Variants in HDAC9 observed in about 807,000 individuals in gnomAD.
HDAC9 encodes the protein histone deacetylase 9, also known as MEF-2 interacting transcription repressor (MITR) protein.
A neutral mutation model predicts 139.4 loss-of-function variants in HDAC9; 41 were observed. That is an observed-to-expected ratio of 0.29 (90% CI 0.23 to 0.38). The LOEUF is 0.38. Among genes scored for constraint, HDAC9 ranks in the 10% least tolerant of loss-of-function variants. HDAC9 has a pLI of 1.00. For synonymous variants in HDAC9, 517 were observed against 476.2 expected (o/e 1.09, Z -1.12); for missense variants, 1,147 against 1,297.0 (o/e 0.88, Z 1.78).
chr7:18,696,402 G>A (rs1204714358), intron 12 of HDAC9, among the ~76,000 whole-genome samples: 3 of 147,704 alleles, frequency 2.0e-5, no homozygotes, highest in Non-Finnish European at 4.5e-5. Flanking sequence ...ACTATATAAT[G>A]TATAAAACTT....
chr7:18,888,031 T>C (rs1800320671), intron 22 of HDAC9, among the ~76,000 whole-genome samples: 1 of 152,198 alleles, frequency 6.6e-6, no homozygotes, highest in Non-Finnish European at 1.5e-5. Context: ...ATGAACTCCC[T>C]CATTTATCTT....
intron 2 of HDAC9, among the ~76,000 whole-genome samples, chr7:18,196,271 G>C (rs1190567148): frequency 1.3e-5 from 2 of 152,164 alleles, no homozygotes. Flanking sequence ...ATAAATTAGA[G>C]TTCAAGACAG....
intron 2 of HDAC9, among the ~76,000 whole-genome samples, chr7:18,198,055 C>T (rs1230110940): frequency 1.3e-5 from 2 of 151,988 alleles, no homozygotes; most frequent in African/African-American, 4.8e-5. Flanking sequence ...GCAAAAATGG[C>T]CTTGAGTAAC....
At chr7:18,980,831 C>CT (rs1022484550) in intron 25 of HDAC9, among the ~76,000 whole-genome samples, 27 of 141,914 alleles carry the variant, frequency 1.9e-4, no homozygotes, top group South Asian at 4.5e-4. Flanking sequence ...CCTTCTTCTT[C>CT]TTTTTTTTTT....
At chr7:18,545,330 A>G (rs1317120386) in intron 2 of HDAC9, among the ~76,000 whole-genome samples, 1 of 151,998 alleles carries the variant, frequency 6.6e-6, no homozygotes, top group Admixed American at 6.5e-5. Flanking sequence ...TTGCTGTGAT[A>G]AGAATCAAAT....
intron 13 of HDAC9, among the ~76,000 whole-genome samples, chr7:18,733,195 A>G (rs910107962): frequency 2.7e-5 from 4 of 148,586 alleles, no homozygotes; most frequent in Non-Finnish European, 3.0e-5. Context: ...ATACATATAT[A>G]CACGTGTATA....
intron 12 of HDAC9, among the ~76,000 whole-genome samples, chr7:18,683,417 G>C (rs544105583): frequency 6.6e-6 from 1 of 152,012 alleles, no homozygotes; most frequent in Non-Finnish European, 1.5e-5. Context: ...CCTACATCCA[G>C]TTCCATGTTC....
chr7:18,786,501 C>T (rs1380999953), intron 16 of HDAC9, among the ~76,000 whole-genome samples: 111 of 117,630 alleles, frequency 9.4e-4, no homozygotes, highest in South Asian at 1.5e-3. Flanking sequence ...TTCCTTCCTT[C>T]CTTCCTCTCT....
intron 12 of HDAC9, among the ~76,000 whole-genome samples, chr7:18,725,692 A>G (rs1391341370): frequency 1.3e-5 from 2 of 152,184 alleles, no homozygotes; most frequent in African/African-American, 4.8e-5. Context: ...GGAATTGTAG[A>G]TCATATGTGG....
At chr7:18,654,171 A>C (rs1790305745) in intron 11 of HDAC9, among the ~76,000 whole-genome samples, 1 of 152,214 alleles carries the variant, frequency 6.6e-6, no homozygotes, top group Admixed American at 6.5e-5. Context: ...ATATTCTCAA[A>C]CAGATACTTT....
intron 23 of HDAC9, among the ~76,000 whole-genome samples, chr7:18,936,297 C>T (rs1215327657): frequency 6.6e-6 from 1 of 151,570 alleles, no homozygotes; most frequent in Non-Finnish European, 1.5e-5. Context: ...GAAAAAAAAA[C>T]TGTTTTAAAA....
At chr7:18,745,605 G>A (rs1787878021) in intron 13 of HDAC9, among the ~76,000 whole-genome samples, 3 of 141,684 alleles carry the variant, frequency 2.1e-5, no homozygotes, top group African/African-American at 5.3e-5. Flanking sequence ...GGACTGCAGT[G>A]GCGCAATCTC....
At chr7:18,587,825 T>A (rs73313274) in intron 3 of HDAC9, among the ~76,000 whole-genome samples, 3,697 of 152,330 alleles carry the variant, frequency 0.024, 145 homozygotes, top group African/African-American at 0.084. Context: ...ACCTCATTCA[T>A]GCAATCTTTG....
intron 12 of HDAC9, among the ~76,000 whole-genome samples, chr7:18,683,490 G>A (rs1007920114): frequency 9.9e-5 from 15 of 151,878 alleles, no homozygotes; most frequent in African/African-American, 3.4e-4. Flanking sequence ...TTGACATCTT[G>A]TCCCTGGTTC....
At chr7:18,679,446 A>T (rs1204471961) in intron 12 of HDAC9, among the ~76,000 whole-genome samples, 1 of 151,728 alleles carries the variant, frequency 6.6e-6, no homozygotes, top group African/African-American at 2.4e-5. Flanking sequence ...CCATTTAAAG[A>T]ATTAGACTTT....
chr7:18,610,734 C>G (rs999006776), intron 6 of HDAC9, among the ~76,000 whole-genome samples: 1 of 152,204 alleles, frequency 6.6e-6, no homozygotes, highest in Admixed American at 6.5e-5. Flanking sequence ...CCTTTCTTCA[C>G]AAGCCATCGT....
At chr7:18,993,329 A>T (rs1353381945) in intron 25 of HDAC9, among the ~76,000 whole-genome samples, 1 of 152,202 alleles carries the variant, frequency 6.6e-6, no homozygotes, top group Non-Finnish European at 1.5e-5. Flanking sequence ...GAGGGCAAGT[A>T]AGGGATTATT....
chr7:18,251,115 A>G (rs1237164067), intron 2 of HDAC9, among the ~76,000 whole-genome samples: 1 of 152,232 alleles, frequency 6.6e-6, no homozygotes, highest in Non-Finnish European at 1.5e-5. Context: ...CTAAATGACC[A>G]TCAGTCATAG....
At chr7:18,203,365 A>G (rs568350369) in intron 2 of HDAC9, among the ~76,000 whole-genome samples, 1 of 152,132 alleles carries the variant, frequency 6.6e-6, no homozygotes, top group African/African-American at 2.4e-5. Flanking sequence ...TTTTTAAATT[A>G]TTTTGTGCAG....
Sources: gnomAD v4.1 joint callset for allele counts (sites outside exome capture counted in the v4.1 genomes callset) on GRCh38, gnomAD v4.1.1 for gene constraint, MANE v1.5 for transcripts, NCBI Gene and HGNC (gene_info 2026-07-23, HGNC 2026-07-21) for gene names.